The following RANBP10 variants were observed in gnomAD, a reference collection of about 807,000 sequenced individuals.
RANBP10 encodes the protein RAN binding protein 10.
In RANBP10, 24 loss-of-function variants were observed where a neutral mutation model predicts 72.8. The ratio of observed to expected loss-of-function variants is 0.33; its 90% CI spans 0.24 to 0.46. RANBP10 has a LOEUF of 0.46. RANBP10 is among the 20% of genes least tolerant of loss of function. RANBP10 has a pLI of 1.00. For missense variants in RANBP10, 679 were observed against 817.5 expected, an observed-to-expected ratio of 0.83 and a Z score of 2.07; for synonymous variants, 310 against 322.3, an observed-to-expected ratio of 0.96 and a Z score of 0.41.
intron 3 of RANBP10, 62 bp downstream of exon 3, chr16:67,771,972 T>A: frequency 6.4e-7 from 1 of 1,567,354 alleles, no homozygotes; most frequent in Non-Finnish European, 8.6e-7. Flanking sequence ...GCTACCACCA[T>A]GACTCTCAAC....
intron 1 of RANBP10, 97 bp downstream of exon 1, chr16:67,806,205 T>C: frequency 8.3e-7 from 1 of 1,208,026 alleles, no homozygotes; most frequent in Non-Finnish European, 1.2e-6. Context: ...TTGGAGCACC[T>C]AGGCAGGGAA....
At chr16:67,789,032 G>A (rs913380743) in intron 2 of RANBP10, among the ~76,000 whole-genome samples, 4 of 148,436 alleles carry the variant, frequency 2.7e-5, no homozygotes, top group South Asian at 4.2e-4. Context: ...CAGGCAGGCC[G>A]GGCACAGTGG....
chr16:67,777,441 C>A (rs914020054), intron 2 of RANBP10, among the ~76,000 whole-genome samples: 5 of 151,928 alleles, frequency 3.3e-5, no homozygotes, highest in African/African-American at 9.7e-5. Flanking sequence ...GAGGCTGAGG[C>A]AGGAGAATGG....
intron 3 of RANBP10, among the ~76,000 whole-genome samples, chr16:67,746,342 A>C (rs954673931): frequency 6.6e-6 from 1 of 150,984 alleles, no homozygotes; most frequent in Non-Finnish European, 1.5e-5. Flanking sequence ...TTAGCCAGGC[A>C]TGGTGGTGGA....
intron 2 of RANBP10, among the ~76,000 whole-genome samples, chr16:67,780,898 T>C (rs1336729491): frequency 6.6e-6 from 1 of 152,250 alleles, no homozygotes; most frequent in African/African-American, 2.4e-5. Flanking sequence ...TCTCCAGCTG[T>C]GCTCTCTAGC....
intron 3 of RANBP10, among the ~76,000 whole-genome samples, chr16:67,755,411 C>T (rs929332679): frequency 2.6e-5 from 4 of 152,080 alleles, no homozygotes; most frequent in African/African-American, 7.2e-5. Context: ...GGGCTGGGCA[C>T]GGTGGCTCAC....
intron 3 of RANBP10, among the ~76,000 whole-genome samples, chr16:67,768,443 C>T (rs1483339657): frequency 2.0e-5 from 3 of 152,062 alleles, no homozygotes; most frequent in African/African-American, 4.8e-5. Context: ...ATAGCTTGAA[C>T]CCGGGAGGTG....
At chr16:67,746,341 C>A (rs1487041495) in intron 3 of RANBP10, among the ~76,000 whole-genome samples, 1 of 151,174 alleles carries the variant, frequency 6.6e-6, no homozygotes, top group Non-Finnish European at 1.5e-5. Flanking sequence ...ATTAGCCAGG[C>A]ATGGTGGTGG....
intron 2 of RANBP10, among the ~76,000 whole-genome samples, chr16:67,800,440 G>C (rs894467439): frequency 7.2e-5 from 11 of 152,208 alleles, no homozygotes; most frequent in Admixed American, 6.5e-4. Context: ...TCACACTGGA[G>C]CATCTGTCAG....
At chr16:67,805,322 G>C in intron 2 of RANBP10, 106 bp downstream of exon 2, 1 of 944,886 alleles carries the variant, frequency 1.1e-6, no homozygotes, top group South Asian at 1.6e-5. Context: ...AGACCCATGC[G>C]GCTCCCCAGC....
intron 3 of RANBP10, among the ~76,000 whole-genome samples, chr16:67,767,994 A>G (rs959590055): frequency 1.3e-5 from 2 of 151,128 alleles, no homozygotes; most frequent in African/African-American, 4.9e-5. Flanking sequence ...TAAGCCTGGG[A>G]GGTCAAAGTT....
At chr16:67,743,338 C>T (rs2054005304) in intron 4 of RANBP10, among the ~76,000 whole-genome samples, 1 of 152,184 alleles carries the variant, frequency 6.6e-6, no homozygotes, top group Non-Finnish European at 1.5e-5. Context: ...CTATACCATT[C>T]CATTCTGGAG....
intron 2 of RANBP10, among the ~76,000 whole-genome samples, chr16:67,783,394 A>C (rs1006736885): frequency 1.3e-5 from 2 of 151,998 alleles, no homozygotes; most frequent in Non-Finnish European, 2.9e-5. Flanking sequence ...AAGTTTGAGA[A>C]CCCTGCACAG....
Position 67,779,400 on chromosome 16 carries a change from GAAAA to G in RANBP10, c.348-7318_348-7315del, listed in dbSNP as rs1055918400. Among the ~76,000 whole-genome samples, 7 of 95,718 alleles carry G rather than the reference GAAAA, an allele frequency of 7.3e-5. No homozygotes were observed. The South Asian group carries it at 2.0e-3, about 27-fold the overall frequency. The allele number at this position is 95,718 out of a possible 152,430, so 62.8% of individuals were successfully genotyped here. On this transcript the variant is annotated intron_variant, in intron 2 of 13. Coordinates refer to ENST00000317506, the MANE Select transcript of RANBP10 (RefSeq NM_020850.3). ...TGACAGAGCCAGACCTTGTCTCAAA[GAAAA>G]AAAAAAAAAAACACAGCGAGATACC...
chr16:67,749,231 AG>A (rs1455340765), intron 3 of RANBP10, among the ~76,000 whole-genome samples: 1 of 152,178 alleles, frequency 6.6e-6, no homozygotes, highest in Admixed American at 6.5e-5. Context: ...GCGAGCACAA[AG>A]GAAGTTGTCC....
intron 2 of RANBP10, among the ~76,000 whole-genome samples, chr16:67,773,323 C>T (rs896194475): frequency 1.3e-5 from 2 of 152,216 alleles, no homozygotes; most frequent in African/African-American, 4.8e-5. Flanking sequence ...CTGTAAGCTT[C>T]TCCAGGCCTT....
rs1206209649 is a variant in RANBP10 at position 67,730,110 on chromosome 16, G to GGCT, written c.890-65_890-64insAGC. On this transcript the variant is annotated intron_variant, in intron 7 of 13. Transcript: ENST00000317506. This position sits in a 1 kb window ranked among gnomAD's most constrained non-coding sequence, Gnocchi z 4.3. ...AGGCCTCTCCCACAGCCACACACCT[G>GGCT]GGATGCTGCCAGCCTCAGGGTAGGG... is the stretch of plus-strand genomic sequence containing the variant. The GGCT allele has an allele frequency of 6.8e-7, 1 of 1,470,658 alleles. No homozygotes were observed. The highest frequency in any genetic ancestry group is 9.4e-7 in the Non-Finnish European group (1 of 1,064,646). The allele number at this position is 1,470,658 out of a possible 1,614,324, so 91.1% of individuals were successfully genotyped here. A position where few individuals can be genotyped will look rare whatever the true frequency, so the allele number is the denominator to read the frequency against.
intron 5 of RANBP10, among the ~76,000 whole-genome samples, chr16:67,737,271 G>A (rs182093060): frequency 1.9e-4 from 25 of 134,606 alleles, no homozygotes; most frequent in African/African-American, 7.2e-4. Context: ...TGCGATCTCA[G>A]CTCACTGCAA....
intron 3 of RANBP10, among the ~76,000 whole-genome samples, chr16:67,757,123 G>C (rs373196538): frequency 1.3e-5 from 2 of 152,180 alleles, no homozygotes; most frequent in Non-Finnish European, 2.9e-5. Context: ...CAGGAGAATC[G>C]CTTGAACCTG....
Sources: allele counts gnomAD v4.1 joint callset (sites outside exome capture counted in the v4.1 genomes callset), GRCh38; gene constraint gnomAD v4.1.1; non-coding constraint Gnocchi (gnomAD v3.1); transcripts MANE v1.5; gene names NCBI Gene and HGNC (gene_info 2026-07-23, HGNC 2026-07-21).